Variants in NFATC3 observed in about 807,000 individuals in gnomAD.
The protein encoded by NFATC3 is nuclear factor of activated T cells 3.
A neutral mutation model predicts 98.6 loss-of-function variants in NFATC3; 46 were observed. That is an observed-to-expected ratio of 0.47 (90% CI 0.37 to 0.60). The LOEUF (loss-of-function observed/expected upper bound fraction) is 0.60. Among genes scored for constraint, NFATC3 ranks in the 20% least tolerant of loss-of-function variants. The pLI is 0.00. For synonymous variants in NFATC3, 512 were observed against 472.2 expected (o/e 1.08, Z -1.09); for missense variants, 1,256 against 1,295.5 (o/e 0.97, Z 0.47).
intron 9 of NFATC3, chr16:68,199,945 CTTAATGATA>C (rs2040846199): frequency 6.6e-6 from 1 of 152,192 alleles, no homozygotes; most frequent in Non-Finnish European, 1.5e-5. Flanking sequence ...CTTTGGTATT[CTTAATGATA>C]ATTATATTCG....
chr16:68,114,272 A>G (rs888286656), intron 1 of NFATC3, among the ~76,000 whole-genome samples: 1 of 151,700 alleles, frequency 6.6e-6, no homozygotes, highest in Non-Finnish European at 1.5e-5. Flanking sequence ...CCAACCACCT[A>G]GTCAGTCCCA....
chr16:68,213,079 G>A (rs1380443652), intron 9 of NFATC3, among the ~76,000 whole-genome samples: 1 of 149,654 alleles, frequency 6.7e-6, no homozygotes, highest in Non-Finnish European at 1.5e-5. Flanking sequence ...GATTACAGGT[G>A]TGAGCCACCA....
At chr16:68,201,382 C>T (rs796301189) in intron 9 of NFATC3, among the ~76,000 whole-genome samples, 6 of 152,086 alleles carry the variant, frequency 3.9e-5, no homozygotes, top group African/African-American at 1.4e-4. Context: ...CAGGCACACA[C>T]CACAGTGCCT....
At chr16:68,138,764 A>G (rs937914778) in intron 3 of NFATC3, 11 of 1,283,476 alleles carry the variant, frequency 8.6e-6, no homozygotes, top group Middle Eastern at 2.1e-4. Flanking sequence ...CTGTAGTATA[A>G]TATAGAACTC....
intron 3 of NFATC3, 136 bp downstream of exon 3, chr16:68,126,746 T>C (rs1019208850): frequency 2.3e-5 from 16 of 707,386 alleles, no homozygotes; most frequent in African/African-American, 3.5e-5. Context: ...TGGGGGCTTG[T>C]TGATGTGACT....
intron 9 of NFATC3, among the ~76,000 whole-genome samples, chr16:68,222,628 T>C (rs1244270916): frequency 6.6e-6 from 1 of 152,246 alleles, no homozygotes; most frequent in Non-Finnish European, 1.5e-5. Flanking sequence ...TAACATACTC[T>C]GGTCCCCTTC....
At position 68,139,182 on chromosome 16, in the gene NFATC3, G is replaced by A. The variant is rs547079885; in HGVS notation, c.1401+12572G>A. 2.0e-5 allele frequency among the ~76,000 whole-genome samples: 3 copies of A among 152,280 alleles called. No homozygotes were observed. The East Asian group carries it at 5.8e-4, about 29-fold the overall frequency. The stretch of plus-strand genomic sequence containing the variant: ...TGCTATATTGGAAATTAGTATTGAT[G>A]CGATAGAGGTTAATTATGAAGAGAA... On this transcript the variant is annotated intron_variant, in intron 3 of 9. Transcript: ENST00000346183.
chr16:68,179,726 C>G (rs2039874554), intron 6 of NFATC3, among the ~76,000 whole-genome samples: 1 of 152,104 alleles, frequency 6.6e-6, no homozygotes, highest in South Asian at 2.1e-4. Flanking sequence ...ATGTGTTGGC[C>G]AAATCTTCAG....
chr16:68,207,049 G>A (rs957418939), intron 9 of NFATC3, among the ~76,000 whole-genome samples: 5 of 150,202 alleles, frequency 3.3e-5, no homozygotes, highest in African/African-American at 9.8e-5. Context: ...GGTGGCTCAC[G>A]CCTGTAATCC....
chr16:68,170,414 G>A (rs1315515491), intron 5 of NFATC3, among the ~76,000 whole-genome samples: 13 of 147,780 alleles, frequency 8.8e-5, no homozygotes, highest in African/African-American at 3.2e-4. Flanking sequence ...GCACAAAATG[G>A]TACAAAGAAT....
chr16:68,126,393 C>T, intron 2 of NFATC3, 55 bp from the exon 3 acceptor site: 1 of 1,513,846 alleles, frequency 6.6e-7, no homozygotes, highest in Non-Finnish European at 9.0e-7. Context: ...CCATTTGAAT[C>T]ATTGCTTGGC....
Position 68,085,425 on chromosome 16 carries a change from G to T in NFATC3, c.-257G>T, listed in dbSNP as rs1318308477. Reference sequence around the variant, plus strand: ...GGCGGCGACTGTGGGGGGGCGGCGGGGAACATTGGCTAAGCCGACAGTGGA... The same window carrying T: ...GGCGGCGACTGTGGGGGGGCGGCGGTGAACATTGGCTAAGCCGACAGTGGA... On this transcript the variant is annotated 5_prime_UTR_variant, in exon 1 of 10. Transcript: ENST00000346183. 2 of 303,720 alleles carry T rather than the reference G, an allele frequency of 6.6e-6. No individual in the cohort carries two copies. The highest frequency in any genetic ancestry group is 1.2e-5 in the Non-Finnish European group (2 of 164,864). The allele number at this position is 303,720 out of a possible 1,614,324, so 18.8% of individuals were successfully genotyped here.
In NFATC3 at chr16:68,174,515, G is replaced by T; in HGVS notation, c.1915+1G>T. On this transcript the variant is annotated splice_donor_variant, in intron 6 of 9. Coordinates refer to ENST00000346183, the MANE Select transcript of NFATC3 (RefSeq NM_173165.3). LOFTEE classifies it high-confidence loss of function. Reference sequence around the variant, plus strand: ...ATCATTTTTCTTGAAAAAGGACAAGGTAAGTAATATATGAGTTGATTGACT... The same window carrying T: ...ATCATTTTTCTTGAAAAAGGACAAGTTAAGTAATATATGAGTTGATTGACT... 6.3e-7 allele frequency: 1 copy of T among 1,593,926 alleles called. No homozygotes were observed. The highest frequency in any genetic ancestry group is 1.2e-5 in the South Asian group (1 of 86,180).
chr16:68,160,572 GC>G (rs2038844310), intron 4 of NFATC3, among the ~76,000 whole-genome samples: 2 of 151,940 alleles, frequency 1.3e-5, no homozygotes, highest in African/African-American at 4.8e-5. Context: ...TAAAATTTTT[GC>G]CTGCTTTGGT....
In NFATC3 at chr16:68,138,388, C is replaced by G; in HGVS notation, c.1401+11778C>G. ...TTACTATTATTATAGTTCAAGCTCTCCTTCCTTGGATTAATCATGGTAGCC... is the reference window on the plus strand; with the variant it reads ...TTACTATTATTATAGTTCAAGCTCTGCTTCCTTGGATTAATCATGGTAGCC... On this transcript the variant is annotated intron_variant, in intron 3 of 9. Coordinates refer to ENST00000346183, the MANE Select transcript of NFATC3 (RefSeq NM_173165.3). 4.4e-6 allele frequency: 3 copies of G among 680,668 alleles called. No individual in the cohort carries two copies. The South Asian group carries it at 5.6e-5, about 13-fold the overall frequency. 42.2% of individuals were successfully genotyped at this position (680,668 alleles called of 1,614,324 possible).
At chr16:68,165,392 C>CTT (rs869025719) in intron 4 of NFATC3, among the ~76,000 whole-genome samples, 10 of 104,388 alleles carry the variant, frequency 9.6e-5, no homozygotes, top group East Asian at 8.1e-4. Flanking sequence ...TTTTCTTTTT[C>CTT]TTTTTTTTTT....
intron 3 of NFATC3, among the ~76,000 whole-genome samples, chr16:68,155,823 C>CA (rs892045486): frequency 6.6e-6 from 1 of 152,092 alleles, no homozygotes; most frequent in Non-Finnish European, 1.5e-5. Context: ...CATACACACA[C>CA]ACACAAGAAA....
intron 3 of NFATC3, 84 bp from the exon 4 acceptor site, chr16:68,157,785 A>T: frequency 1.9e-6 from 2 of 1,065,878 alleles, no homozygotes; most frequent in Middle Eastern, 2.1e-4. Flanking sequence ...TATGATAGAG[A>T]TATAATAGAC....
intron 1 of NFATC3, among the ~76,000 whole-genome samples, chr16:68,095,265 T>A (rs1368194313): frequency 6.6e-6 from 1 of 151,508 alleles, no homozygotes; most frequent in Non-Finnish European, 1.5e-5. Flanking sequence ...CTCTGCCTCC[T>A]GGGTTCAGGT....
Sources: gnomAD v4.1 joint callset for allele counts (sites outside exome capture counted in the v4.1 genomes callset) on GRCh38, gnomAD v4.1.1 for gene constraint, MANE v1.5 for transcripts, NCBI Gene and HGNC (gene_info 2026-07-23, HGNC 2026-07-21) for gene names.